Variants in NKX2-2 observed in about 807,000 individuals in gnomAD.
NKX2-2 encodes the protein NK2 homeobox 2.
Under a neutral mutation model 24.6 loss-of-function variants are expected in NKX2-2, and 8 were observed. The observed-to-expected ratio is 0.32, with a 90% CI of 0.19 to 0.59. The LOEUF (loss-of-function observed/expected upper bound fraction) is 0.59, where lower values mean the gene tolerates loss of function less well. Ranked by LOEUF, NKX2-2 falls within the 20% of genes least tolerant of loss-of-function variation. The pLI is 0.86. For synonymous variants in NKX2-2, 217 were observed against 173.3 expected (o/e 1.25, Z -1.98); for missense variants, 381 against 373.9 (o/e 1.02, Z -0.16).
upstream of NKX2-2, among the ~76,000 whole-genome samples, chr20:21,518,651 C>A (rs978736303): frequency 3.3e-5 from 5 of 152,206 alleles, no homozygotes; most frequent in African/African-American, 7.2e-5. Context: ...AACACGAGCG[C>A]CTTTTCTGCG....
the NKX2-2 span, among the ~76,000 whole-genome samples, chr20:21,519,265 G>A: frequency 6.6e-6 from 1 of 152,150 alleles, no homozygotes; most frequent in South Asian, 2.1e-4. Flanking sequence ...ACAGTATGTG[G>A]CTGAGCTCTC....
chr20:21,521,525 G>C, the NKX2-2 span, among the ~76,000 whole-genome samples: 1 of 152,144 alleles, frequency 6.6e-6, no homozygotes, highest in Non-Finnish European at 1.5e-5. Flanking sequence ...TCCTGTCTGC[G>C]ACTCCCACCA....
Position 21,512,259 on chromosome 20 carries a change from G to A in NKX2-2, c.486C>T (p.Ala162=), listed in dbSNP as rs1382668141. 1 of 1,613,942 alleles carries A rather than the reference G, an allele frequency of 6.2e-7. No individual in the cohort carries two copies. Among genetic ancestry groups the A allele is most frequent in the Non-Finnish European group, 8.5e-7 (1 of 1,179,952 alleles). Reference sequence around the variant, plus strand: ...GCGTGGGCGTGAGGCGGATGAGGCTGGCCAGGTGTTCGCGCTCGGGCGCCG... The same window carrying A: ...GCGTGGGCGTGAGGCGGATGAGGCTAGCCAGGTGTTCGCGCTCGGGCGCCG... ...YLSAPEREHL[A]SLIRLTPTQV... Residue 162 remains alanine, a synonymous_variant, in exon 2 of 2, where the codon GCC becomes GCT. Coordinates refer to ENST00000377142, the MANE Select transcript of NKX2-2 (RefSeq NM_002509.4).
In NKX2-2 at chr20:21,512,260, G is replaced by A; in HGVS notation, c.485C>T (p.Ala162Val). 6.2e-7 allele frequency: 1 copy of A among 1,613,934 alleles called. No individual in the cohort carries two copies. Residue 162 changes from alanine to valine, a missense_variant, in exon 2 of 2, where the codon GCC becomes GTC. Coordinates refer to ENST00000377142, the MANE Select transcript of NKX2-2 (RefSeq NM_002509.4). ...YLSAPEREHL[A>V]SLIRLTPTQV... ...CGTGGGCGTGAGGCGGATGAGGCTG[G>A]CCAGGTGTTCGCGCTCGGGCGCCGA...
At position 21,511,825 on chromosome 20, in the gene NKX2-2, T is replaced by G. The variant is rs1369117348; in HGVS notation, c.*98A>C. On this transcript the variant is annotated 3_prime_UTR_variant, in exon 2 of 2. Transcript: ENST00000377142. ...CTCGACTCCATAATAATAATTATAA[T>G]AATAATAATAACCACCATAAGGACC... is the stretch of plus-strand genomic sequence containing the variant. 2 of 845,310 alleles carry G rather than the reference T, an allele frequency of 2.4e-6. No individual in the cohort carries two copies. Among genetic ancestry groups the G allele is most frequent in the African/African-American group, 3.4e-5 (2 of 57,996 alleles). The allele number at this position is 845,310 out of a possible 1,614,324, so 52.4% of individuals were successfully genotyped here. A position where few individuals can be genotyped will look rare whatever the true frequency, so the allele number is the denominator to read the frequency against.
Position 21,513,829 on chromosome 20 carries a change from T to A in NKX2-2, c.-160A>T, listed in dbSNP as rs1055121197. On this transcript the variant is annotated 5_prime_UTR_variant, in exon 1 of 2. Coordinates refer to ENST00000377142, the MANE Select transcript of NKX2-2 (RefSeq NM_002509.4). This position sits in a 1 kb window ranked among gnomAD's most constrained non-coding sequence, Gnocchi z 4.6. ...TAATTATTGGGATAATTATTATTTT[T>A]AAAAAGAGAAAGAAACTGGGGATGG... 5 of 506,646 alleles carry A rather than the reference T, an allele frequency of 9.9e-6. No individual in the cohort carries two copies. The highest frequency in any genetic ancestry group is 4.3e-5 in the South Asian group (1 of 23,104). 31.4% of individuals were successfully genotyped at this position (506,646 alleles called of 1,614,324 possible).
In NKX2-2 at chr20:21,511,249, G is replaced by GCAAAAATAAAAACAAAAAA. The variant is rs1555794440; in HGVS notation, c.*673_*674insTTTTTTGTTTTTATTTTTG. 3 of 151,486 alleles carry GCAAAAATAAAAACAAAAAA rather than the reference G, an allele frequency of 2.0e-5. No individual in the cohort carries two copies. Among genetic ancestry groups the GCAAAAATAAAAACAAAAAA allele is most frequent in the African/African-American group, 7.3e-5 (3 of 41,004 alleles). 9.4% of individuals were successfully genotyped at this position (151,486 alleles called of 1,614,324 possible). On this transcript the variant is annotated 3_prime_UTR_variant, in exon 2 of 2. Coordinates refer to ENST00000377142, the MANE Select transcript of NKX2-2 (RefSeq NM_002509.4). ...AGAAAGGAAGAAAGCAGGGGAAAAC[G>GCAAAAATAAAAACAAAAAA]CAAAAACAAAAACAAAACAAAAAAC...
In NKX2-2 at chr20:21,511,832, A is replaced by T. The variant is rs1980440448; in HGVS notation, c.*91T>A. On this transcript the variant is annotated 3_prime_UTR_variant, in exon 2 of 2. Coordinates refer to ENST00000377142, the MANE Select transcript of NKX2-2 (RefSeq NM_002509.4). Reference sequence around the variant, plus strand: ...CCATAATAATAATTATAATAATAATAATAACCACCATAAGGACCGAGGCCT... The same window carrying T: ...CCATAATAATAATTATAATAATAATTATAACCACCATAAGGACCGAGGCCT... The T allele has an allele frequency of 1.1e-6, 1 of 888,508 alleles. No individual in the cohort carries two copies. The highest frequency in any genetic ancestry group is 1.7e-5 in the African/African-American group (1 of 59,464). The allele number at this position is 888,508 out of a possible 1,614,324, so 55.0% of individuals were successfully genotyped here. A position where few individuals can be genotyped will look rare whatever the true frequency, so the allele number is the denominator to read the frequency against.
chr20:21,520,169 G>C, the NKX2-2 span, among the ~76,000 whole-genome samples: 2 of 152,216 alleles, frequency 1.3e-5, no homozygotes, highest in African/African-American at 4.8e-5. Flanking sequence ...TGTGTCTGGG[G>C]GAAAATCCCC....
chr20:21,512,241 C>T lies in NKX2-2; in HGVS notation c.504G>A (p.Thr168=), dbSNP rs925867289. The T allele has an allele frequency of 6.2e-7, 1 of 1,613,990 alleles. No homozygotes were observed. The highest frequency in any genetic ancestry group is 8.5e-7 in the Non-Finnish European group (1 of 1,179,948). ...GGAACCAGATCTTGACCTGCGTGGG[C>T]GTGAGGCGGATGAGGCTGGCCAGGT... ...REHLASLIRL[T]PTQVKIWFQN... is the part of the protein sequence containing the mutation. Residue 168 remains threonine (T), a synonymous_variant, in exon 2 of 2, where the codon ACG becomes ACA. Coordinates refer to ENST00000377142, the MANE Select transcript of NKX2-2 (RefSeq NM_002509.4).
At position 21,513,260 on chromosome 20, in the gene NKX2-2, C is replaced by A; in HGVS notation, c.259+151G>T. 1.3e-6 allele frequency: 1 copy of A among 795,398 alleles called. No homozygotes were observed. The highest frequency in any genetic ancestry group is 1.9e-6 in the Non-Finnish European group (1 of 532,222). The allele number at this position is 795,398 out of a possible 1,614,324, so 49.3% of individuals were successfully genotyped here. On this transcript the variant is annotated intron_variant, in intron 1 of 1. Coordinates refer to ENST00000377142, the MANE Select transcript of NKX2-2 (RefSeq NM_002509.4). This position sits in a 1 kb window ranked among gnomAD's most constrained non-coding sequence, Gnocchi z 4.6. The stretch of plus-strand genomic sequence containing the variant: ...CTTGAAGAGGAGGGCAGAGGACATC[C>A]TATACAGGTGTTAAAAATCTTTCTA...
chr20:21,522,165 C>A, the NKX2-2 span, among the ~76,000 whole-genome samples: 1 of 152,256 alleles, frequency 6.6e-6, no homozygotes, highest in East Asian at 1.9e-4. Flanking sequence ...CCACTCCTGC[C>A]GTGATCCGCA....
rs8192563 is a variant in NKX2-2 at position 21,512,380 on chromosome 20, C to G, written c.365G>C (p.Gly122Ala). The change falls in exon 2 of 2, where the codon GGG becomes GCG. Residue 122 changes from glycine to alanine, a missense_variant. By Grantham distance (60) the Gly-to-Ala change is moderately conservative. This residue lies in a region of NKX2-2 where 206 missense variants were observed against 173.1 expected (regional missense o/e 1.19). Transcript: ENST00000377142. ...PDNDKETPGG[G>A]GDAGKKRKRR... ...CTTTCGCTTCTTGCCGGCGTCCCCCCCGCCGCCCGGGGTCTCCTTGTCATT... is the reference window on the plus strand; with the variant it reads ...CTTTCGCTTCTTGCCGGCGTCCCCCGCGCCGCCCGGGGTCTCCTTGTCATT... 0.017 allele frequency: 27,930 copies of G among 1,603,180 alleles called. 294 individuals carry two copies. The highest frequency in any genetic ancestry group is 0.038 in the Middle Eastern group (218 of 5,766).
chr20:21,519,969 A>G, the NKX2-2 span, among the ~76,000 whole-genome samples: 3 of 151,940 alleles, frequency 2.0e-5, no homozygotes, highest in African/African-American at 7.3e-5. Flanking sequence ...AAAGAAAGGA[A>G]ATCTCAGCCT....
rs201557031 is a variant in NKX2-2 at position 21,512,037 on chromosome 20, G to A, written c.708C>T (p.Ala236=). Residue 236 remains alanine (A), a synonymous_variant, in exon 2 of 2, where the codon GCC becomes GCT. Transcript: ENST00000377142. ...ATFQAGIPFS[A]YSAQSLQHMQ... ...TGTGCTGCAGCGACTGCGCGCTGTA[G>A]GCAGAAAAGGGAATGCCCGCCTGGA... The A allele has an allele frequency of 1.2e-6, 2 of 1,613,632 alleles. No individual in the cohort carries two copies. Among genetic ancestry groups the A allele is most frequent in the African/African-American group, 1.3e-5 (1 of 74,932 alleles).
upstream of NKX2-2, among the ~76,000 whole-genome samples, chr20:21,514,633 G>A (rs765023646): frequency 6.6e-6 from 1 of 152,050 alleles, no homozygotes; most frequent in Non-Finnish European, 1.5e-5. Context: ...GAAAATTGGC[G>A]ATTTGTGGCG....
upstream of NKX2-2, among the ~76,000 whole-genome samples, chr20:21,517,865 C>CA (rs1303109100): frequency 1.3e-5 from 2 of 152,226 alleles, no homozygotes; most frequent in Non-Finnish European, 2.9e-5. Flanking sequence ...CCCGCACACC[C>CA]GCAGGCTGAG....
chr20:21,520,183 C>A, the NKX2-2 span, among the ~76,000 whole-genome samples: 1 of 152,102 alleles, frequency 6.6e-6, no homozygotes, highest in Non-Finnish European at 1.5e-5. Context: ...AATCCCCACC[C>A]CGTTCCTACA....
upstream of NKX2-2, among the ~76,000 whole-genome samples, chr20:21,519,020 G>A (rs1375019839): frequency 6.6e-6 from 1 of 152,156 alleles, no homozygotes; most frequent in Non-Finnish European, 1.5e-5. Context: ...AAGTCTTCGG[G>A]GGTAGGGGTG....
Sources: gnomAD v4.1 joint callset for allele counts (sites outside exome capture counted in the v4.1 genomes callset) on GRCh38, gnomAD v4.1.1 for gene constraint, gnomAD v4.1.1 regional missense constraint, Gnocchi (gnomAD v3.1) non-coding constraint, MANE v1.5 for transcripts, NCBI Gene and HGNC (gene_info 2026-07-23, HGNC 2026-07-21) for gene names.